The following ROBO1 variants were observed in gnomAD, a reference collection of about 807,000 sequenced individuals.
The protein encoded by ROBO1 is roundabout guidance receptor 1.
ROBO1 carries 149 observed loss-of-function variants against 195.9 expected under a neutral mutation model. The observed-to-expected ratio is 0.76, with a 90% confidence interval of 0.67 to 0.87. The LOEUF (loss-of-function observed/expected upper bound fraction) is 0.87. Ranked by LOEUF, ROBO1 falls within the 40% of genes least tolerant of loss-of-function variation. ROBO1 has a pLI of 0.00. For synonymous variants in ROBO1, 816 were observed against 733.2 expected (o/e 1.11, Z -1.82); for missense variants, 1,933 against 2,068.3 (o/e 0.93, Z 1.27).
intron 1 of ROBO1, among the ~76,000 whole-genome samples, chr3:79,606,909 T>A (rs951573755): frequency 6.6e-6 from 1 of 152,034 alleles, no homozygotes; most frequent in South Asian, 2.1e-4. Flanking sequence ...GTACTTTATT[T>A]AGCAGGACCA....
chr3:79,528,263 C>G (rs918099964), intron 2 of ROBO1, among the ~76,000 whole-genome samples: 1 of 152,084 alleles, frequency 6.6e-6, no homozygotes, highest in Non-Finnish European at 1.5e-5. Flanking sequence ...TCATATTGAC[C>G]TGACATCTCT....
intron 3 of ROBO1, among the ~76,000 whole-genome samples, chr3:79,006,332 G>A (rs754199002): frequency 2.6e-5 from 4 of 152,130 alleles, no homozygotes; most frequent in Non-Finnish European, 5.9e-5. Flanking sequence ...ATACAAAGAA[G>A]AGGGGCAAAC....
At chr3:78,820,082 G>T (rs565391914) in intron 4 of ROBO1, among the ~76,000 whole-genome samples, 1 of 152,228 alleles carries the variant, frequency 6.6e-6, no homozygotes, top group African/African-American at 2.4e-5. Flanking sequence ...AAAACAAAGG[G>T]CTTTCACATT....
At chr3:78,778,262 C>G (rs13087237) in intron 4 of ROBO1, among the ~76,000 whole-genome samples, 1 of 151,852 alleles carries the variant, frequency 6.6e-6, no homozygotes, top group African/African-American at 2.4e-5. Context: ...ATTTTCGCAT[C>G]GATGTTCCTC....
intron 2 of ROBO1, among the ~76,000 whole-genome samples, chr3:79,514,292 T>C (rs1169803734): frequency 1.3e-5 from 2 of 152,186 alleles, no homozygotes; most frequent in Non-Finnish European, 2.9e-5. Context: ...CTCTTAGAGA[T>C]CCACGTGGTG....
At chr3:78,897,533 T>C (rs1310955272) in intron 4 of ROBO1, among the ~76,000 whole-genome samples, 4 of 152,242 alleles carry the variant, frequency 2.6e-5, no homozygotes, top group Non-Finnish European at 5.9e-5. Context: ...CTTAAATTAA[T>C]GAGATACCTT....
intron 26 of ROBO1, among the ~76,000 whole-genome samples, chr3:78,622,321 G>GTA (rs1240888882): frequency 2.6e-5 from 4 of 152,110 alleles, no homozygotes; most frequent in African/African-American, 9.7e-5. Context: ...TTTTATTAAT[G>GTA]TATCACACTA....
At chr3:79,736,840 T>G (rs990926801) in intron 1 of ROBO1, among the ~76,000 whole-genome samples, 1 of 152,232 alleles carries the variant, frequency 6.6e-6, no homozygotes, top group Non-Finnish European at 1.5e-5. Flanking sequence ...AGGCATTGAC[T>G]TAATGAAAAT....
chr3:79,419,528 C>T (rs2038139944), intron 2 of ROBO1, among the ~76,000 whole-genome samples: 1 of 152,078 alleles, frequency 6.6e-6, no homozygotes, highest in Non-Finnish European at 1.5e-5. Flanking sequence ...CAGGATCGCT[C>T]CCCGTTCTTC....
At chr3:78,671,681 T>C (rs1255669842) in intron 10 of ROBO1, among the ~76,000 whole-genome samples, 1 of 152,052 alleles carries the variant, frequency 6.6e-6, no homozygotes, top group East Asian at 1.9e-4. Flanking sequence ...CCAATTCTCT[T>C]CTTTGTCTTG....
intron 2 of ROBO1, among the ~76,000 whole-genome samples, chr3:79,390,054 A>G (rs573977721): frequency 1.3e-5 from 2 of 152,166 alleles, no homozygotes; most frequent in Non-Finnish European, 2.9e-5. Context: ...CAGTCAAATA[A>G]TATCTACTGA....
chr3:78,608,006 A>G (rs1440302934), intron 28 of ROBO1, among the ~76,000 whole-genome samples: 1 of 131,834 alleles, frequency 7.6e-6, no homozygotes, highest in Non-Finnish European at 1.6e-5. Context: ...GTATAAATAT[A>G]TGTTAATTTC....
Position 79,276,991 on chromosome 3 carries a change from A to C in ROBO1, c.89-151452T>G, listed in dbSNP as rs115158200. Among the ~76,000 whole-genome samples the C allele has an allele frequency of 8.3e-3, 1,259 of 152,180 alleles. 6 individuals are homozygous for C. Among genetic ancestry groups the C allele is most frequent in the Middle Eastern group, 0.031 (9 of 294 alleles). ...AATAAATGTTGCCGAATGTGTGGAG[A>C]AAAGGGAATCCTTGTACACCATTGG... On this transcript the variant is annotated intron_variant, in intron 2 of 30. Coordinates refer to ENST00000464233, the MANE Select transcript of ROBO1 (RefSeq NM_002941.4).
chr3:79,261,938 T>C (rs1354419231), intron 2 of ROBO1, among the ~76,000 whole-genome samples: 1 of 152,046 alleles, frequency 6.6e-6, no homozygotes, highest in Admixed American at 6.6e-5. Flanking sequence ...TACTCAAGAT[T>C]GTAAAAGACC....
chr3:79,742,086 T>C (rs1007767664), intron 1 of ROBO1, among the ~76,000 whole-genome samples: 3 of 152,184 alleles, frequency 2.0e-5, no homozygotes, highest in African/African-American at 4.8e-5. Context: ...AAGCAGAGCA[T>C]AAAAGTTTGG....
At chr3:79,044,390 T>C (rs1218756461) in intron 3 of ROBO1, among the ~76,000 whole-genome samples, 1 of 152,186 alleles carries the variant, frequency 6.6e-6, no homozygotes, top group Non-Finnish European at 1.5e-5. Context: ...TTCCTTGAAA[T>C]ATTTATCTCA....
At chr3:78,681,162 A>G (rs1162969035) in intron 10 of ROBO1, among the ~76,000 whole-genome samples, 9 of 151,518 alleles carry the variant, frequency 5.9e-5, no homozygotes, top group South Asian at 2.1e-4. Flanking sequence ...GAAGGGGAAC[A>G]TCACACTCTG....
At chr3:79,137,587 G>A (rs1450612870) in intron 2 of ROBO1, among the ~76,000 whole-genome samples, 1 of 151,970 alleles carries the variant, frequency 6.6e-6, no homozygotes, top group Non-Finnish European at 1.5e-5. Flanking sequence ...GCATATATGT[G>A]TTCTTATGTA....
At chr3:78,662,154 C>A in intron 14 of ROBO1, 40 bp from the exon 15 acceptor site, 1 of 1,529,022 alleles carries the variant, frequency 6.5e-7, no homozygotes. Context: ...GTCTGCACAA[C>A]GTTACTGAAC....
Sources: allele counts gnomAD v4.1 joint callset (sites outside exome capture counted in the v4.1 genomes callset), GRCh38; gene constraint gnomAD v4.1.1; transcripts MANE v1.5; gene names NCBI Gene and HGNC (gene_info 2026-07-23, HGNC 2026-07-21).